Variants in ANKRD44 observed in about 807,000 individuals in gnomAD.
The protein encoded by ANKRD44 is serine/threonine-protein phosphatase 6 regulatory ankyrin repeat subunit B.
ANKRD44 carries 35 observed loss-of-function variants against 116.0 expected under a neutral mutation model. The observed-to-expected ratio is 0.30, with a 90% CI of 0.23 to 0.40. The LOEUF is 0.40. Among genes scored for constraint, ANKRD44 ranks in the 10% least tolerant of loss-of-function variants. The probability of loss-of-function intolerance (pLI) is 1.00; values close to 1 mark genes in which losing one functional copy is unlikely to be tolerated. For synonymous variants in ANKRD44, 435 were observed against 461.8 expected (o/e 0.94, Z 0.74); for missense variants, 1,014 against 1,242.6 (o/e 0.82, Z 2.77).
chr2:197,232,880 T>A (rs1484846205), intron 1 of ANKRD44, among the ~76,000 whole-genome samples: 1 of 152,242 alleles, frequency 6.6e-6, no homozygotes, highest in Non-Finnish European at 1.5e-5. Context: ...GATACATGCA[T>A]GATAATCAAA....
chr2:197,080,603 G>T (rs1224117882), intron 15 of ANKRD44, among the ~76,000 whole-genome samples: 1 of 152,152 alleles, frequency 6.6e-6, no homozygotes, highest in Non-Finnish European at 1.5e-5. Context: ...AAATTTGGGG[G>T]TATTAAAGCA....
chr2:197,221,767 C>T (rs1234352908), intron 1 of ANKRD44, among the ~76,000 whole-genome samples: 1 of 152,066 alleles, frequency 6.6e-6, no homozygotes, highest in Non-Finnish European at 1.5e-5. Context: ...CTAAAGAAGC[C>T]CCAGAGTGTA....
At chr2:197,028,334 C>T (rs941275545) in intron 16 of ANKRD44, among the ~76,000 whole-genome samples, 1 of 152,142 alleles carries the variant, frequency 6.6e-6, no homozygotes, top group Admixed American at 6.6e-5. Flanking sequence ...GTGATCCTCC[C>T]ACCTCAGCCT....
chr2:197,146,909 T>C (rs748389890), intron 3 of ANKRD44, 118 bp downstream of exon 3: 33 of 738,946 alleles, frequency 4.5e-5, no homozygotes, highest in Non-Finnish European at 5.5e-5. Context: ...GCCTATCACA[T>C]AAACTTCCAT....
chr2:197,005,549 C>G, intron 21 of ANKRD44, 145 bp downstream of exon 21: 1 of 781,500 alleles, frequency 1.3e-6, no homozygotes, highest in Non-Finnish European at 2.0e-6. Flanking sequence ...AAAAAACAAA[C>G]AAAATACACA....
At chr2:197,170,868 C>G (rs1258988503) in intron 2 of ANKRD44, among the ~76,000 whole-genome samples, 1 of 152,036 alleles carries the variant, frequency 6.6e-6, no homozygotes, top group Non-Finnish European at 1.5e-5. Context: ...ACTGGAAGAG[C>G]CTTAGTTTTC....
At chr2:196,991,073 T>C (rs1482820466) in intron 27 of ANKRD44, 1 of 713,426 alleles carries the variant, frequency 1.4e-6, no homozygotes, top group Admixed American at 4.3e-5. Flanking sequence ...GAGTTACTTC[T>C]CACAAGTCAT....
In ANKRD44 at chr2:197,005,900, C is replaced by A. The variant is rs1461861295; in HGVS notation, c.2141G>T (p.Gly714Val). 1.2e-6 allele frequency: 2 copies of A among 1,614,172 alleles called. No individual in the cohort carries two copies. Among genetic ancestry groups the A allele is most frequent in the Non-Finnish European group, 1.7e-6 (2 of 1,180,020 alleles). ...CAGCATTTGCACACATTCCTCGTGT[C>A]CTGTCATAATCTGATGCATTGTAAT... ...CTALHRGIMT[G>V]HEECVQMLLE... Residue 714 changes from glycine to valine, a missense_variant, in exon 21 of 28, where the codon GGA (glycine) becomes GTA (valine). Coordinates refer to ENST00000282272, the MANE Select transcript of ANKRD44 (RefSeq NM_001195144.2).
intron 2 of ANKRD44, among the ~76,000 whole-genome samples, chr2:197,151,109 A>C: frequency 9.2e-6 from 1 of 108,690 alleles, no homozygotes; most frequent in Non-Finnish European, 1.9e-5. Flanking sequence ...AGGAACTTTC[A>C]AGTTGAAAAT....
intron 6 of ANKRD44, among the ~76,000 whole-genome samples, chr2:197,124,136 C>T (rs2078922571): frequency 6.6e-6 from 1 of 152,174 alleles, no homozygotes; most frequent in Non-Finnish European, 1.5e-5. Flanking sequence ...ATTTCATATG[C>T]TTCAGCCAAC....
chr2:197,264,774 C>A (rs2082698172), intron 1 of ANKRD44, among the ~76,000 whole-genome samples: 1 of 152,138 alleles, frequency 6.6e-6, no homozygotes, highest in Admixed American at 6.5e-5. Context: ...TTTCCAGACT[C>A]CTGAGGGTGA....
At chr2:197,245,396 C>A (rs150982441) in intron 1 of ANKRD44, among the ~76,000 whole-genome samples, 190 of 152,268 alleles carry the variant, frequency 1.2e-3, no homozygotes, top group African/African-American at 4.3e-3. Context: ...TGTGCAAATA[C>A]GACACCATTT....
chr2:197,263,096 C>T, intron 1 of ANKRD44: 1 of 461,072 alleles, frequency 2.2e-6, no homozygotes, highest in Non-Finnish European at 4.2e-6. Context: ...TGCCACAGCC[C>T]CTCACCCCCT....
At chr2:197,016,114 G>A in intron 17 of ANKRD44, 2 of 345,468 alleles carry the variant, frequency 5.8e-6, no homozygotes, top group Non-Finnish European at 1.1e-5. Context: ...ATGCATTAGA[G>A]GAATGGTAAA....
At chr2:197,048,228 T>A (rs1174423654) in intron 16 of ANKRD44, among the ~76,000 whole-genome samples, 1 of 152,180 alleles carries the variant, frequency 6.6e-6, no homozygotes, top group African/African-American at 2.4e-5. Context: ...CTAGGGTACA[T>A]GTGCACCACG....
At chr2:197,198,639 A>G (rs2081019081) in intron 1 of ANKRD44, among the ~76,000 whole-genome samples, 1 of 151,796 alleles carries the variant, frequency 6.6e-6, no homozygotes, top group African/African-American at 2.4e-5. Context: ...TAAAAATACA[A>G]AAAATTAGCC....
intron 21 of ANKRD44, among the ~76,000 whole-genome samples, chr2:196,977,692 G>A (rs2075770442): frequency 6.6e-6 from 1 of 152,068 alleles, no homozygotes; most frequent in African/African-American, 2.4e-5. Context: ...AATAAATGAG[G>A]AATAAGAAGT....
chr2:197,269,640 T>C (rs2082842031), intron 1 of ANKRD44, among the ~76,000 whole-genome samples: 1 of 152,116 alleles, frequency 6.6e-6, no homozygotes, highest in Admixed American at 6.6e-5. Flanking sequence ...CTTGGTGGCA[T>C]TTCTTTAAGC....
chr2:197,242,577 C>G (rs913338016), intron 1 of ANKRD44, among the ~76,000 whole-genome samples: 1 of 152,142 alleles, frequency 6.6e-6, no homozygotes, highest in Admixed American at 6.5e-5. Flanking sequence ...GGCCACCTCT[C>G]TAGGTTCACC....
Sources: gnomAD v4.1 joint callset for allele counts (sites outside exome capture counted in the v4.1 genomes callset) on GRCh38, gnomAD v4.1.1 for gene constraint, MANE v1.5 for transcripts, NCBI Gene and HGNC (gene_info 2026-07-23, HGNC 2026-07-21) for gene names.